Variants in ADGRL2 observed in about 807,000 individuals in gnomAD.
ADGRL2 encodes calcium-independent alpha-latrotoxin receptor 2.
ADGRL2 carries 44 observed loss-of-function variants against 157.4 expected under a neutral mutation model. The ratio of observed to expected loss-of-function variants is 0.28; its 90% confidence interval spans 0.22 to 0.36. The LOEUF (loss-of-function observed/expected upper bound fraction) is 0.36, where lower values mean the gene tolerates loss of function less well. ADGRL2 is among the 10% of genes least tolerant of loss of function. The pLI is 1.00. For synonymous variants in ADGRL2, 585 were observed against 624.7 expected, an observed-to-expected ratio of 0.94 and a Z score of 0.95; for missense variants, 1,510 against 1,768.9, an observed-to-expected ratio of 0.85 and a Z score of 2.63.
At chr1:81,614,955 G>C (rs537651164) in intron 3 of ADGRL2, among the ~76,000 whole-genome samples, 1 of 152,134 alleles carries the variant, frequency 6.6e-6, no homozygotes, top group African/African-American at 2.4e-5. Flanking sequence ...AGAGTTTGCA[G>C]TGAGCAGAGA....
intron 3 of ADGRL2, among the ~76,000 whole-genome samples, chr1:81,923,041 C>G (rs907456210): frequency 6.6e-6 from 1 of 152,106 alleles, no homozygotes; most frequent in South Asian, 2.1e-4. Context: ...TTAGAAAGAG[C>G]TCATTGGGTA....
intron 3 of ADGRL2, among the ~76,000 whole-genome samples, chr1:81,606,445 A>T (rs2081432572): frequency 6.6e-6 from 1 of 152,098 alleles, no homozygotes; most frequent in Non-Finnish European, 1.5e-5. Context: ...GCCAATGCAC[A>T]AAGTAGACTA....
chr1:81,898,000 G>A (rs1188403999), intron 2 of ADGRL2, among the ~76,000 whole-genome samples: 1 of 152,072 alleles, frequency 6.6e-6, no homozygotes. Flanking sequence ...CTGGGGTGAG[G>A]AAGAGGCTGA....
intron 1 of ADGRL2, among the ~76,000 whole-genome samples, chr1:81,413,391 GA>G (rs1340053275): frequency 5.3e-5 from 8 of 151,324 alleles, no homozygotes; most frequent in East Asian, 1.9e-4. Context: ...GGCAGAGCAG[GA>G]AAAAAAATGT....
At chr1:81,641,667 A>T (rs2082221256) in intron 3 of ADGRL2, among the ~76,000 whole-genome samples, 2 of 152,196 alleles carry the variant, frequency 1.3e-5, no homozygotes. Flanking sequence ...AATTTGTGGG[A>T]TGCAGAGAAA....
intron 11 of ADGRL2, among the ~76,000 whole-genome samples, chr1:81,960,753 G>A (rs1174645785): frequency 6.6e-6 from 1 of 152,140 alleles, no homozygotes; most frequent in Non-Finnish European, 1.5e-5. Flanking sequence ...GATTAAAGGT[G>A]TGAGCCACCG....
chr1:81,903,055 C>T (rs2094517500), intron 2 of ADGRL2, among the ~76,000 whole-genome samples: 1 of 152,132 alleles, frequency 6.6e-6, no homozygotes, highest in African/African-American at 2.4e-5. Flanking sequence ...CCTGTTTAGA[C>T]TTACAGATTG....
intron 1 of ADGRL2, among the ~76,000 whole-genome samples, chr1:81,737,682 AT>A (rs749893105): frequency 1.4e-3 from 210 of 152,308 alleles, no homozygotes; most frequent in Admixed American, 4.1e-3. Context: ...GTATATGTTT[AT>A]TTTCTATCAC....
Position 81,460,681 on chromosome 1 carries a change from AG to A in ADGRL2, c.-248+15593del, listed in dbSNP as rs563840046. Among the ~76,000 whole-genome samples, 247 of 152,306 alleles carry A rather than the reference AG, an allele frequency of 1.6e-3. 2 individuals are homozygous for A. The highest frequency in any genetic ancestry group is 2.0e-3 in the Non-Finnish European group (133 of 68,022). ...ACTGGATGTGCTCCTTGGAGTTTGAAGAGCCACCCCTTTTACTTTATTAACA... is the reference window on the plus strand; with the variant it reads ...ACTGGATGTGCTCCTTGGAGTTTGAAAGCCACCCCTTTTACTTTATTAACA... On this transcript the variant is annotated intron_variant, in intron 2 of 24. Transcript: ENST00000370721.
At chr1:81,671,907 T>C (rs2082883308) in intron 3 of ADGRL2, among the ~76,000 whole-genome samples, 2 of 152,286 alleles carry the variant, frequency 1.3e-5, no homozygotes, top group South Asian at 4.1e-4. Context: ...CTGGTGTCAG[T>C]TGTGTATATG....
intron 1 of ADGRL2, among the ~76,000 whole-genome samples, chr1:81,716,518 C>T (rs1336834360): frequency 6.6e-6 from 1 of 152,042 alleles, no homozygotes; most frequent in Admixed American, 6.6e-5. Context: ...ACCTTATAGA[C>T]CAACAACAAA....
chr1:81,924,453 T>A (rs2095058617), intron 3 of ADGRL2, among the ~76,000 whole-genome samples: 1 of 152,148 alleles, frequency 6.6e-6, no homozygotes, highest in South Asian at 2.1e-4. Flanking sequence ...AAAGGTTGCC[T>A]CTGTTAGGAT....
In ADGRL2 at chr1:81,971,938, C is replaced by G; in HGVS notation, c.3021+20C>G. ...ATTCTGGTAAGCAGGTTCTGTTTTC[C>G]CTTGCTTTTTAGCTTGCTGCTTTAG... On this transcript the variant is annotated intron_variant, in intron 17 of 23. Coordinates refer to ENST00000686636, the MANE Select transcript of ADGRL2 (RefSeq NM_001366006.2). 6.3e-7 allele frequency: 1 copy of G among 1,581,412 alleles called. No individual in the cohort carries two copies. The highest frequency in any genetic ancestry group is 8.7e-7 in the Non-Finnish European group (1 of 1,154,208).
At chr1:81,799,294 G>C (rs1041496009), upstream of ADGRL2, among the ~76,000 whole-genome samples, 1 of 137,508 alleles carries the variant, frequency 7.3e-6, no homozygotes, top group Non-Finnish European at 1.7e-5. Context: ...AATTCCAGAT[G>C]TAAGTGTGTA....
intron 1 of ADGRL2, among the ~76,000 whole-genome samples, chr1:81,815,465 C>T (rs1416190737): frequency 6.6e-6 from 1 of 151,808 alleles, no homozygotes; most frequent in Non-Finnish European, 1.5e-5. Context: ...TTTGTTTCAT[C>T]TCGTTGCTCT....
intron 1 of ADGRL2, among the ~76,000 whole-genome samples, chr1:81,731,553 ACT>A: frequency 6.6e-6 from 1 of 152,182 alleles, no homozygotes; most frequent in African/African-American, 2.4e-5. Context: ...TTCAGTTTGA[ACT>A]GCTTTATGCT....
chr1:81,587,323 A>G (rs1211949551), intron 3 of ADGRL2, among the ~76,000 whole-genome samples: 1 of 152,098 alleles, frequency 6.6e-6, no homozygotes, highest in Non-Finnish European at 1.5e-5. Flanking sequence ...AGTTATTAAT[A>G]CCTCTTTGAG....
chr1:81,489,734 C>G (rs924254853), intron 2 of ADGRL2, among the ~76,000 whole-genome samples: 1 of 152,106 alleles, frequency 6.6e-6, no homozygotes. Flanking sequence ...TCATCGCATA[C>G]AAGGGATCCA....
intron 1 of ADGRL2, among the ~76,000 whole-genome samples, chr1:81,440,892 C>T (rs1023679061): frequency 2.0e-5 from 3 of 152,196 alleles, no homozygotes; most frequent in African/African-American, 7.2e-5. Flanking sequence ...TACTGCCTAG[C>T]CTAGGTTCTC....
Sources: gnomAD v4.1 joint callset for allele counts (sites outside exome capture counted in the v4.1 genomes callset) on GRCh38, gnomAD v4.1.1 for gene constraint, MANE v1.5 for transcripts, NCBI Gene and HGNC (gene_info 2026-07-23, HGNC 2026-07-21) for gene names.